Variants in CBFA2T2 observed in about 807,000 individuals in gnomAD.
CBFA2T2 encodes protein CBFA2T2.
CBFA2T2 carries 11 observed loss-of-function variants against 62.2 expected under a neutral mutation model. The observed-to-expected ratio is 0.18, with a 90% CI of 0.11 to 0.29. The LOEUF (loss-of-function observed/expected upper bound fraction) is 0.29, where lower values mean the gene tolerates loss of function less well. CBFA2T2 is among the 10% of genes least tolerant of loss of function. CBFA2T2 has a pLI of 1.00. For missense variants in CBFA2T2, 592 were observed against 774.1 expected, an observed-to-expected ratio of 0.76 and a Z score of 2.79; for synonymous variants, 295 against 287.5, an observed-to-expected ratio of 1.03 and a Z score of -0.27.
At chr20:33,522,346 G>A (rs2011752046) in intron 1 of CBFA2T2, among the ~76,000 whole-genome samples, 1 of 152,164 alleles carries the variant, frequency 6.6e-6, no homozygotes, top group South Asian at 2.1e-4. Context: ...AGTTAACAGA[G>A]AAACAGCAGC....
At chr20:33,547,989 T>C (rs2012629159) in intron 1 of CBFA2T2, among the ~76,000 whole-genome samples, 1 of 152,168 alleles carries the variant, frequency 6.6e-6, no homozygotes, top group Admixed American at 6.5e-5. Flanking sequence ...ATTGCAGGTT[T>C]TGAACTCCTG....
chr20:33,533,126 A>T (rs2012106116), intron 1 of CBFA2T2, among the ~76,000 whole-genome samples: 1 of 152,238 alleles, frequency 6.6e-6, no homozygotes, highest in African/African-American at 2.4e-5. Flanking sequence ...ACTAAAAAAA[A>T]AATGAGGTTT....
rs559188310 is a variant in CBFA2T2 at position 33,502,398 on chromosome 20, AT to A, written c.34+12107del. Among the ~76,000 whole-genome samples, 112 of 140,446 alleles carry A rather than the reference AT, an allele frequency of 8.0e-4. No individual in the cohort carries two copies. The East Asian group carries it at 0.01, about 13-fold the overall frequency. The allele number at this position is 140,446 out of a possible 152,430, so 92.1% of individuals were successfully genotyped here. A position where few individuals can be genotyped will look rare whatever the true frequency, so the allele number is the denominator to read the frequency against. On this transcript the variant is annotated intron_variant, in intron 1 of 10. Transcript: ENST00000342704. ...GTTGTAGGCTTAGTTTCTGCTCTTC[AT>A]TTTTTTTTTCTTTTTTTTCGTGTGT... is the stretch of plus-strand genomic sequence containing the variant.
intron 1 of CBFA2T2, among the ~76,000 whole-genome samples, chr20:33,504,039 T>C (rs976655736): frequency 1.3e-5 from 2 of 152,160 alleles, no homozygotes; most frequent in Non-Finnish European, 2.9e-5. Context: ...TTTATACTGG[T>C]TTTTGTCACT....
At position 33,490,132 on chromosome 20, in the gene CBFA2T2, G is replaced by A; in HGVS notation, c.-136G>A. The A allele has an allele frequency of 1.1e-6, 1 of 894,828 alleles. No individual in the cohort carries two copies. The highest frequency in any genetic ancestry group is 4.1e-5 in the East Asian group (1 of 24,516). The allele number at this position is 894,828 out of a possible 1,614,324, so 55.4% of individuals were successfully genotyped here. A position where few individuals can be genotyped will look rare whatever the true frequency, so the allele number is the denominator to read the frequency against. On this transcript the variant is annotated 5_prime_UTR_variant, in exon 1 of 11. Coordinates refer to ENST00000342704, the MANE Select transcript of CBFA2T2 (RefSeq NM_001032999.3). ...CGACGGCGACAGCAGCGGTGGTGGTGTCTGGTTAGCTCGGCGGCTGCAGAT... is the reference window on the plus strand; with the variant it reads ...CGACGGCGACAGCAGCGGTGGTGGTATCTGGTTAGCTCGGCGGCTGCAGAT...
At chr20:33,502,528 C>T (rs1019632418) in intron 1 of CBFA2T2, among the ~76,000 whole-genome samples, 5 of 151,666 alleles carry the variant, frequency 3.3e-5, no homozygotes, top group African/African-American at 1.2e-4. Context: ...CTCAGCCTTC[C>T]GAGTAGCTGG....
intron 4 of CBFA2T2, among the ~76,000 whole-genome samples, chr20:33,620,384 A>G (rs1371067299): frequency 1.3e-5 from 2 of 152,120 alleles, no homozygotes; most frequent in African/African-American, 4.8e-5. Context: ...AGGCGCTTGT[A>G]GTCCCAGCTA....
chr20:33,626,678 T>C (rs934427464), intron 6 of CBFA2T2, among the ~76,000 whole-genome samples: 1 of 152,226 alleles, frequency 6.6e-6, no homozygotes, highest in Non-Finnish European at 1.5e-5. Flanking sequence ...CATGTATACC[T>C]TGTTGAGTAA....
At position 33,522,890 on chromosome 20, in the gene CBFA2T2, T is replaced by C. The variant is rs550461513; in HGVS notation, c.34+32589T>C. Among the ~76,000 whole-genome samples the C allele has an allele frequency of 9.8e-5, 15 of 152,296 alleles. 1 individual carries two copies. In the South Asian group the frequency reaches 1.9e-3, roughly 19 times the overall value. On this transcript the variant is annotated intron_variant, in intron 1 of 10. Coordinates refer to ENST00000342704, the MANE Select transcript of CBFA2T2 (RefSeq NM_001032999.3). ...TAACTTCTTCAGCTTAAGAGATATA[T>C]GAGAGCAGCTTTTGAGAGGATTTAA...
chr20:33,575,935 G>T (rs1365878040), intron 1 of CBFA2T2, among the ~76,000 whole-genome samples: 2 of 151,566 alleles, frequency 1.3e-5, no homozygotes, highest in Admixed American at 1.3e-4. Context: ...CAGCCACCAC[G>T]CCTGGCTAAT....
intron 1 of CBFA2T2, among the ~76,000 whole-genome samples, chr20:33,508,674 C>T (rs1009046246): frequency 2.0e-5 from 3 of 152,062 alleles, no homozygotes; most frequent in Non-Finnish European, 2.9e-5. Flanking sequence ...TGAAAACATG[C>T]GGTATTTGCT....
intron 1 of CBFA2T2, among the ~76,000 whole-genome samples, chr20:33,505,249 C>T (rs781526972): frequency 6.6e-5 from 10 of 152,102 alleles, no homozygotes; most frequent in Admixed American, 4.6e-4. Flanking sequence ...TCATCCCAGT[C>T]CTTTCTTTTA....
intron 1 of CBFA2T2, among the ~76,000 whole-genome samples, chr20:33,517,571 T>C (rs1056753504): frequency 6.6e-6 from 1 of 151,626 alleles, no homozygotes; most frequent in Non-Finnish European, 1.5e-5. Flanking sequence ...TGCCTCAGCC[T>C]CTTGAGTAGC....
intron 10 of CBFA2T2, among the ~76,000 whole-genome samples, chr20:33,643,635 G>A (rs1227121973): frequency 6.6e-6 from 1 of 150,496 alleles, no homozygotes; most frequent in Non-Finnish European, 1.5e-5. Context: ...CTCTAATGAG[G>A]GAAGCAATAT....
At chr20:33,530,209 G>A (rs968235111) in intron 1 of CBFA2T2, among the ~76,000 whole-genome samples, 1 of 152,102 alleles carries the variant, frequency 6.6e-6, no homozygotes, top group Non-Finnish European at 1.5e-5. Flanking sequence ...ACAGGCATGA[G>A]CTATCACACC....
At chr20:33,591,467 CAAAAAAAAAAAAAAAAAA>C (rs1245052963) in intron 1 of CBFA2T2, among the ~76,000 whole-genome samples, 4 of 98,080 alleles carry the variant, frequency 4.1e-5, no homozygotes, top group Non-Finnish European at 6.7e-5. Context: ...GAGTAAATCT[CAAAAAAAAAAAAAAAAAA>C]GAAAAAAATG....
rs566443444 is a variant in CBFA2T2 at position 33,577,245 on chromosome 20, C to T, written c.35-29711C>T. ...GTATTTATCCATTTTTCTAATATACCTGGATTTTTAAAAATATTGATGGAT... is the reference window on the plus strand; with the variant it reads ...GTATTTATCCATTTTTCTAATATACTTGGATTTTTAAAAATATTGATGGAT... On this transcript the variant is annotated intron_variant, in intron 1 of 10. Coordinates refer to ENST00000342704, the MANE Select transcript of CBFA2T2 (RefSeq NM_001032999.3). Among the ~76,000 whole-genome samples, 3 of 152,132 alleles carry T rather than the reference C, an allele frequency of 2.0e-5. No individual in the cohort carries two copies. The South Asian group carries it at 6.2e-4, about 32-fold the overall frequency.
intron 1 of CBFA2T2, among the ~76,000 whole-genome samples, chr20:33,580,198 C>A (rs568563889): frequency 6.6e-6 from 1 of 151,962 alleles, no homozygotes; most frequent in African/African-American, 2.4e-5. Flanking sequence ...ACATTTTAGG[C>A]GTGTAAATTT....
At chr20:33,609,466 C>T (rs550078663) in intron 2 of CBFA2T2, among the ~76,000 whole-genome samples, 3 of 152,120 alleles carry the variant, frequency 2.0e-5, no homozygotes, top group African/African-American at 7.2e-5. Context: ...TAAACCACTG[C>T]ACTCCAGCCT....
Sources: gnomAD v4.1 joint callset for allele counts (sites outside exome capture counted in the v4.1 genomes callset) on GRCh38, gnomAD v4.1.1 for gene constraint, MANE v1.5 for transcripts, NCBI Gene and HGNC (gene_info 2026-07-23, HGNC 2026-07-21) for gene names.